The following CSNK1A1 variants were observed in gnomAD, a reference collection of about 807,000 sequenced individuals.
CSNK1A1 encodes casein kinase I isoform alpha.
In CSNK1A1, 7 loss-of-function variants were observed where a neutral mutation model predicts 46.1. The observed-to-expected ratio is 0.15, with a 90% CI of 0.09 to 0.29. The LOEUF (loss-of-function observed/expected upper bound fraction) is 0.29, where lower values mean the gene tolerates loss of function less well. Ranked by LOEUF, CSNK1A1 falls within the 10% of genes least tolerant of loss-of-function variation. The probability of loss-of-function intolerance (pLI) is 1.00; values close to 1 mark genes in which losing one functional copy is unlikely to be tolerated. For missense variants in CSNK1A1, 96 were observed against 417.1 expected, an observed-to-expected ratio of 0.23 and a Z score of 6.71; for synonymous variants, 137 against 141.5, an observed-to-expected ratio of 0.97 and a Z score of 0.23.
At chr5:149,508,237 C>T (rs977206900) in intron 7 of CSNK1A1, among the ~76,000 whole-genome samples, 16 of 151,852 alleles carry the variant, frequency 1.1e-4, no homozygotes, top group African/African-American at 3.1e-4. Context: ...TTGATTGCAC[C>T]GATATAAATT....
chr5:149,550,403 G>C lies in CSNK1A1; in HGVS notation c.124-222C>G, dbSNP rs1762620423. 9.2e-6 allele frequency: 12 copies of C among 1,308,458 alleles called. No homozygotes were observed. Among genetic ancestry groups the C allele is most frequent in the Non-Finnish European group, 1.1e-5 (11 of 1,021,976 alleles). 81.1% of individuals were successfully genotyped at this position (1,308,458 alleles called of 1,614,324 possible). ...TACGTCCTCTAAAGTGCAGGAAAAT[G>C]ATTCATCCAGAAAAAAGAGGCAACC... is the stretch of plus-strand genomic sequence containing the variant. On this transcript the variant is annotated intron_variant, in intron 1 of 9. Coordinates refer to ENST00000377843, the MANE Select transcript of CSNK1A1 (RefSeq NM_001892.6). The surrounding 1 kb of genome is among the most constrained non-coding windows in gnomAD (Gnocchi z 4.3).
chr5:149,493,849 A>G lies in CSNK1A1; in HGVS notation c.*3004T>C, dbSNP rs949056567. On this transcript the variant is annotated 3_prime_UTR_variant, in exon 10 of 10. Coordinates refer to ENST00000377843, the MANE Select transcript of CSNK1A1 (RefSeq NM_001892.6). ...TCCTCACATCTTGATTTACATGGTT[A>G]TAACTGCTTAAAAACTGGCAAAGAG... 6.6e-6 allele frequency: 1 copy of G among 152,236 alleles called. No individual in the cohort carries two copies. The highest frequency in any genetic ancestry group is 1.5e-5 in the Non-Finnish European group (1 of 68,046). The allele number at this position is 152,236 out of a possible 1,614,324, so 9.4% of individuals were successfully genotyped here.
chr5:149,532,500 C>G (rs993220003), intron 2 of CSNK1A1, among the ~76,000 whole-genome samples: 1 of 152,154 alleles, frequency 6.6e-6, no homozygotes, highest in Admixed American at 6.5e-5. Context: ...TGAGACCACT[C>G]TGGCCAACAT....
At chr5:149,544,182 T>C (rs574223160) in intron 2 of CSNK1A1, among the ~76,000 whole-genome samples, 5 of 152,318 alleles carry the variant, frequency 3.3e-5, no homozygotes, top group South Asian at 4.1e-4. Flanking sequence ...CAGCCCTAAA[T>C]CTTTCTATTC....
intron 5 of CSNK1A1, among the ~76,000 whole-genome samples, chr5:149,512,451 G>A (rs1269048245): frequency 6.6e-6 from 1 of 152,040 alleles, no homozygotes; most frequent in Non-Finnish European, 1.5e-5. Context: ...TTAACCTGGA[G>A]GCATATCATT....
At chr5:149,549,469 C>A in intron 2 of CSNK1A1, 1 of 702,470 alleles carries the variant, frequency 1.4e-6, no homozygotes, top group East Asian at 2.7e-5. Flanking sequence ...CCGCCTCCTG[C>A]AGCTTTATTC....
chr5:149,505,023 T>A, intron 9 of CSNK1A1: 1 of 986,320 alleles, frequency 1.0e-6, no homozygotes, highest in Non-Finnish European at 1.2e-6. Flanking sequence ...CTTAACATTG[T>A]TAGTCTGAAA....
intron 4 of CSNK1A1, among the ~76,000 whole-genome samples, chr5:149,516,528 A>G (rs1410877175): frequency 6.6e-6 from 1 of 151,646 alleles, no homozygotes; most frequent in East Asian, 1.9e-4. Context: ...TAAAACATTC[A>G]CAAGGTCACT....
intron 2 of CSNK1A1, among the ~76,000 whole-genome samples, chr5:149,544,733 A>C (rs1333882552): frequency 2.5e-5 from 2 of 78,706 alleles, no homozygotes; most frequent in Admixed American, 1.9e-4. Flanking sequence ...GAGGGTAAAG[A>C]GCTTTATATA....
At chr5:149,501,005 T>C (rs1387011329) in intron 9 of CSNK1A1, 1 of 985,282 alleles carries the variant, frequency 1.0e-6, no homozygotes, top group African/African-American at 1.7e-5. Context: ...GTTCTGGAGT[T>C]TTAAAATACC....
intron 2 of CSNK1A1, among the ~76,000 whole-genome samples, chr5:149,546,699 T>C (rs1762494223): frequency 6.6e-6 from 1 of 151,588 alleles, no homozygotes; most frequent in Non-Finnish European, 1.5e-5. Flanking sequence ...ATTGAACAAA[T>C]TTGTATATGA....
At chr5:149,521,790 T>A (rs1037404584) in intron 3 of CSNK1A1, among the ~76,000 whole-genome samples, 5 of 152,006 alleles carry the variant, frequency 3.3e-5, no homozygotes, top group Non-Finnish European at 7.4e-5. Flanking sequence ...TACTTTTTTT[T>A]ATTTTTAGTA....
chr5:149,513,322 C>G, intron 4 of CSNK1A1, 113 bp from the exon 5 acceptor site: 1 of 1,010,716 alleles, frequency 9.9e-7, no homozygotes, highest in South Asian at 1.7e-5. Flanking sequence ...AATAAAGTAT[C>G]CTAAGTATTA....
rs1267829656 is a variant in CSNK1A1, at chr5:149,502,728, A to C, written c.1006+2719T>G. The C allele has an allele frequency of 1.5e-5, 15 of 981,270 alleles. No individual in the cohort carries two copies. In the East Asian group the frequency reaches 1.4e-3, roughly 91 times the overall value. 60.8% of individuals were successfully genotyped at this position (981,270 alleles called of 1,614,324 possible). ...GGATGTTTTCATCATTATTAAAACG[A>C]TTTATTATTGGGATCAATGAATCAT... On this transcript the variant is annotated intron_variant, in intron 9 of 9. Coordinates refer to ENST00000377843, the MANE Select transcript of CSNK1A1 (RefSeq NM_001892.6).
chr5:149,507,998 C>T (rs1761090497), intron 7 of CSNK1A1, among the ~76,000 whole-genome samples: 1 of 152,070 alleles, frequency 6.6e-6, no homozygotes, highest in African/African-American at 2.4e-5. Context: ...AAAGGATTTC[C>T]CCAATCAGCA....
intron 2 of CSNK1A1, among the ~76,000 whole-genome samples, chr5:149,540,777 T>A (rs192489367): frequency 3.3e-5 from 5 of 152,078 alleles, no homozygotes; most frequent in African/African-American, 4.8e-5. Flanking sequence ...CACCAACATA[T>A]GCATTTGTCA....
intron 7 of CSNK1A1, among the ~76,000 whole-genome samples, chr5:149,507,464 CTT>C (rs572610497): frequency 1.4e-5 from 2 of 145,326 alleles, no homozygotes. Flanking sequence ...TCTTCGTGAA[CTT>C]TTTTTTTTTT....
chr5:149,501,368 G>C (rs753741652), intron 9 of CSNK1A1: 4 of 985,290 alleles, frequency 4.1e-6, no homozygotes, highest in Admixed American at 1.2e-4. Context: ...AGACTGTCCA[G>C]GTATTTCAAA....
At chr5:149,547,834 G>C (rs1438825620) in intron 2 of CSNK1A1, among the ~76,000 whole-genome samples, 1 of 151,506 alleles carries the variant, frequency 6.6e-6, no homozygotes, top group Non-Finnish European at 1.5e-5. Flanking sequence ...CATTAAAACT[G>C]TAAATCAGCA....
Sources: allele counts gnomAD v4.1 joint callset (sites outside exome capture counted in the v4.1 genomes callset), GRCh38; gene constraint gnomAD v4.1.1; non-coding constraint Gnocchi (gnomAD v3.1); transcripts MANE v1.5; gene names NCBI Gene and HGNC (gene_info 2026-07-23, HGNC 2026-07-21).